The following ARHGEF11 variants were observed in gnomAD, a reference collection of about 807,000 sequenced individuals.
The protein encoded by ARHGEF11 is Rho guanine exchange factor (GEF) 11.
In ARHGEF11, 55 loss-of-function variants were observed where a neutral mutation model predicts 193.7. The observed-to-expected ratio is 0.28, with a 90% CI of 0.23 to 0.36. The LOEUF (loss-of-function observed/expected upper bound fraction) is 0.36. ARHGEF11 is among the 10% of genes least tolerant of loss of function. ARHGEF11 has a pLI of 1.00. For synonymous variants in ARHGEF11, 693 were observed against 768.0 expected (o/e 0.90, Z 1.62); for missense variants, 1,723 against 2,005.6 (o/e 0.86, Z 2.69).
intron 17 of ARHGEF11, among the ~76,000 whole-genome samples, chr1:156,958,244 G>A (rs999345008): frequency 2.6e-5 from 4 of 152,290 alleles, no homozygotes; most frequent in Non-Finnish European, 5.9e-5. Flanking sequence ...CGAAAATGGC[G>A]CTAGAAAAAC....
chr1:156,947,360 G>C lies in ARHGEF11; in HGVS notation c.2432C>G (p.Pro811Arg). The change falls in exon 26 of 41, where the codon CCC (proline) becomes CGC (arginine). Residue 811 changes from proline (P) to arginine (R), a missense_variant. Transcript: ENST00000368194. ...GAAGAGCCGGGCCAGCTCCTCCCGG[G>C]GCATCAGGTTCTCCTTCTTCATTCG... The part of the protein sequence containing the change: ...YQRMKKENLM[P>R]REELARLFPN... 6.2e-7 allele frequency: 1 copy of C among 1,614,046 alleles called. No homozygotes were observed. The highest frequency in any genetic ancestry group is 8.5e-7 in the Non-Finnish European group (1 of 1,179,994).
chr1:157,028,008 G>A (rs536120841), intron 1 of ARHGEF11, among the ~76,000 whole-genome samples: 2 of 152,332 alleles, frequency 1.3e-5, no homozygotes, highest in African/African-American at 4.8e-5. Context: ...GTGCCAGAGT[G>A]AAGAAGTCTC....
chr1:156,943,062 A>G (rs1033330090), intron 32 of ARHGEF11, among the ~76,000 whole-genome samples: 11 of 114,306 alleles, frequency 9.6e-5, no homozygotes, highest in African/African-American at 1.9e-4. Flanking sequence ...AGGAGTTATA[A>G]AACTTTTTTT....
At chr1:156,978,793 A>G (rs1663640247) in intron 5 of ARHGEF11, among the ~76,000 whole-genome samples, 1 of 152,208 alleles carries the variant, frequency 6.6e-6, no homozygotes, top group Non-Finnish European at 1.5e-5. Context: ...TTTCTTCAAC[A>G]TTTGTTGTTT....
In ARHGEF11 at chr1:157,034,638, A is replaced by G. The variant is rs999660489; in HGVS notation, c.32+9661T>C. On this transcript the variant is annotated intron_variant, in intron 1 of 40. Transcript: ENST00000368194. ...CTGTGTTCGAGTCAGGAAAGAGCAC[A>G]TAGGGAGTATACCGTGTCTAAAGAG... 3.9e-5 allele frequency among the ~76,000 whole-genome samples: 6 copies of G among 152,346 alleles called. No homozygotes were observed. In the East Asian group the frequency reaches 5.8e-4, roughly 15 times the overall value.
intron 33 of ARHGEF11, 44 bp downstream of exon 33, chr1:156,942,646 C>T (rs531257701): frequency 2.3e-4 from 365 of 1,581,838 alleles, no homozygotes; most frequent in Non-Finnish European, 3.0e-4. Flanking sequence ...CACCCTGGTC[C>T]GAAAGGGACC....
intron 1 of ARHGEF11, among the ~76,000 whole-genome samples, chr1:156,993,448 G>A (rs1666057779): frequency 6.6e-6 from 1 of 151,990 alleles, no homozygotes; most frequent in Non-Finnish European, 1.5e-5. Flanking sequence ...TAAAATAGAT[G>A]GATAGAGAAA....
intron 1 of ARHGEF11, among the ~76,000 whole-genome samples, chr1:157,033,285 C>T (rs1277718324): frequency 6.6e-6 from 1 of 152,020 alleles, no homozygotes; most frequent in Non-Finnish European, 1.5e-5. Context: ...TATGCAGTAG[C>T]CCAAGAGAAG....
intron 1 of ARHGEF11, among the ~76,000 whole-genome samples, chr1:157,015,594 T>C (rs924896847): frequency 1.3e-5 from 2 of 152,214 alleles, no homozygotes; most frequent in Non-Finnish European, 2.9e-5. Flanking sequence ...GATTGTCTTA[T>C]CCATCTTTGC....
rs2102484358 is a variant in ARHGEF11, at chr1:156,986,160, A to G, written c.46T>C (p.Ser16Pro). Reference protein sequence around the residue: ...PQSIDRLSSLSSLGDSAPERK... With the variant: ...PQSIDRLSSLPSLGDSAPERK... ...TCTGGTGCAGAATCTCCCAGAGAAG[A>G]CAGGCTACTTAACCTGGAGAAGGAG... Residue 16 changes from serine (S) to proline (P), a missense_variant, in exon 2 of 41, where the codon TCT (serine) becomes CCT (proline). Physicochemically the swap from Ser to Pro is moderately conservative, Grantham distance 74 (BLOSUM62 -1). This residue lies in a region of ARHGEF11 where 646 missense variants were observed against 710.7 expected (regional missense o/e 0.91). Transcript: ENST00000368194. The G allele has an allele frequency of 6.2e-7, 1 of 1,613,864 alleles. No individual in the cohort carries two copies. The highest frequency in any genetic ancestry group is 1.3e-5 in the African/African-American group (1 of 75,052).
At position 156,941,421 on chromosome 1, in the gene ARHGEF11, A is replaced by G. The variant is rs1656888859; in HGVS notation, c.3465T>C (p.Asp1155=). The G allele has an allele frequency of 1.2e-6, 2 of 1,613,552 alleles. No homozygotes were observed. The highest frequency in any genetic ancestry group is 2.7e-5 in the African/African-American group (2 of 74,888). ...GTTCACCATGGAACACGTCTGAGTCATCCAGTTCTACCCTGAGGAAGGAAA... is the reference window on the plus strand; with the variant it reads ...GTTCACCATGGAACACGTCTGAGTCGTCCAGTTCTACCCTGAGGAAGGAAA... ...QGPTPSRVEL[D]DSDVFHGEPE... The change falls in exon 35 of 41, where the codon GAT becomes GAC. Residue 1155 remains aspartate (D), a synonymous_variant. Transcript: ENST00000368194.
chr1:157,029,261 T>TTGTTG (rs1553233709), intron 1 of ARHGEF11, among the ~76,000 whole-genome samples: 1 of 150,304 alleles, frequency 6.7e-6, no homozygotes, highest in Admixed American at 6.6e-5. Flanking sequence ...TTTGGTGGTT[T>TTGTTG]TTGTTGTTGT....
intron 1 of ARHGEF11, among the ~76,000 whole-genome samples, chr1:157,012,776 A>C (rs970924742): frequency 1.3e-5 from 2 of 152,238 alleles, no homozygotes; most frequent in East Asian, 3.8e-4. Flanking sequence ...GAGTATTGAA[A>C]AACATTTAGA....
At chr1:156,968,979 C>T (rs776593471) in intron 10 of ARHGEF11, among the ~76,000 whole-genome samples, 50 of 152,202 alleles carry the variant, frequency 3.3e-4, no homozygotes, top group Non-Finnish European at 2.9e-4. Context: ...TAGATTATTT[C>T]GTCTCTGCTC....
chr1:156,951,497 G>C, intron 22 of ARHGEF11, 76 bp downstream of exon 22: 1 of 1,578,904 alleles, frequency 6.3e-7, no homozygotes, highest in Non-Finnish European at 8.6e-7. Context: ...CAAGTAGCTG[G>C]AATTAAACCC....
intron 1 of ARHGEF11, among the ~76,000 whole-genome samples, chr1:157,006,047 T>C (rs1352763359): frequency 6.6e-6 from 1 of 152,210 alleles, no homozygotes; most frequent in Non-Finnish European, 1.5e-5. Context: ...ACATTCACTG[T>C]AAAATATAGG....
At chr1:157,014,393 TTC>T (rs370781187) in intron 1 of ARHGEF11, among the ~76,000 whole-genome samples, 4 of 152,084 alleles carry the variant, frequency 2.6e-5, no homozygotes, top group African/African-American at 4.8e-5. Flanking sequence ...ATTTATTCAA[TTC>T]TCTCTCTCTC....
intron 1 of ARHGEF11, among the ~76,000 whole-genome samples, chr1:156,999,662 T>C (rs527327830): frequency 2.0e-5 from 3 of 152,240 alleles, no homozygotes; most frequent in East Asian, 1.9e-4. Flanking sequence ...TGAAAAAGTA[T>C]ATTTTCATTT....
At chr1:156,975,821 A>G (rs1381996655) in intron 7 of ARHGEF11, among the ~76,000 whole-genome samples, 1 of 152,192 alleles carries the variant, frequency 6.6e-6, no homozygotes, top group Non-Finnish European at 1.5e-5. Context: ...TGAAAATACT[A>G]TTCTTTCTCC....
Sources: allele counts gnomAD v4.1 joint callset (sites outside exome capture counted in the v4.1 genomes callset), GRCh38; gene constraint gnomAD v4.1.1; regional missense constraint gnomAD v4.1.1; transcripts MANE v1.5; gene names NCBI Gene and HGNC (gene_info 2026-07-23, HGNC 2026-07-21).